The following TRPS1 variants were observed in gnomAD, a reference collection of about 807,000 sequenced individuals.
TRPS1 encodes the protein zinc finger transcription factor Trps1.
In TRPS1, 6 loss-of-function variants were observed where a neutral mutation model predicts 101.2. The ratio of observed to expected loss-of-function variants is 0.06; its 90% CI spans 0.03 to 0.12. The LOEUF (loss-of-function observed/expected upper bound fraction) is 0.12. Among genes scored for constraint, TRPS1 ranks in the 10% least tolerant of loss-of-function variants. The probability of loss-of-function intolerance (pLI) is 1.00; values close to 1 mark genes in which losing one functional copy is unlikely to be tolerated. For synonymous variants in TRPS1, 578 were observed against 589.8 expected (o/e 0.98, Z 0.29); for missense variants, 1,363 against 1,567.0 (o/e 0.87, Z 2.20).
In TRPS1 at chr8:115,491,305, T is replaced by C. The variant is rs530928891; in HGVS notation, c.2701-72853A>G. ...AAATAAGGGAGTTTTTGCATTTATTTACATGGGATTTAAATTCCAAGATAT... is the reference window on the plus strand; with the variant it reads ...AAATAAGGGAGTTTTTGCATTTATTCACATGGGATTTAAATTCCAAGATAT... On this transcript the variant is annotated intron_variant, in intron 5 of 6. Transcript: ENST00000395715. Among the ~76,000 whole-genome samples, 4 of 152,330 alleles carry C rather than the reference T, an allele frequency of 2.6e-5. No individual in the cohort carries two copies. The South Asian group carries it at 6.2e-4, about 24-fold the overall frequency.
At chr8:115,626,730 T>C (rs1818516948) in intron 1 of TRPS1, among the ~76,000 whole-genome samples, 1 of 151,810 alleles carries the variant, frequency 6.6e-6, no homozygotes, top group African/African-American at 2.4e-5. Context: ...AAAAGCCCAT[T>C]AATAGTCATC....
chr8:115,553,573 T>G (rs958008857), intron 5 of TRPS1, among the ~76,000 whole-genome samples: 2 of 152,270 alleles, frequency 1.3e-5, no homozygotes, highest in South Asian at 4.1e-4. Flanking sequence ...TATTCTATTT[T>G]CCTCTTTGAT....
intron 5 of TRPS1, among the ~76,000 whole-genome samples, chr8:115,548,698 A>G (rs1048974288): frequency 6.6e-6 from 1 of 152,222 alleles, no homozygotes; most frequent in Non-Finnish European, 1.5e-5. Flanking sequence ...AAATTCTTAT[A>G]TTTCTAATAG....
At chr8:115,640,318 C>T (rs1228536321) in intron 1 of TRPS1, among the ~76,000 whole-genome samples, 3 of 152,136 alleles carry the variant, frequency 2.0e-5, no homozygotes, top group East Asian at 3.9e-4. Context: ...AATGATAAAA[C>T]AATCTCCTCT....
intron 3 of TRPS1, among the ~76,000 whole-genome samples, chr8:115,607,658 T>C (rs1818070793): frequency 6.6e-6 from 1 of 151,580 alleles, no homozygotes; most frequent in South Asian, 2.1e-4. Context: ...GTAAATAATA[T>C]TAGTATTATA....
intron 5 of TRPS1, among the ~76,000 whole-genome samples, chr8:115,455,775 CTTTTTTTTTT>C (rs386413741): frequency 8.3e-6 from 1 of 119,992 alleles, no homozygotes; most frequent in Non-Finnish European, 1.7e-5. Flanking sequence ...TTCTTTCTTT[CTTTTTTTTTT>C]TTTTTTTGAG....
In TRPS1 at chr8:115,581,322, GAGTA is replaced by G. The variant is rs1257181268; in HGVS notation, c.2700+5675_2700+5678del. 7.2e-5 allele frequency among the ~76,000 whole-genome samples: 11 copies of G among 152,212 alleles called. No homozygotes were observed. In the East Asian group the frequency reaches 1.9e-3, roughly 27 times the overall value. On this transcript the variant is annotated intron_variant, in intron 5 of 6. Transcript: ENST00000395715. ...ATATGAAGTTATAGCTAGACGGGAG[GAGTA>G]AGTTTCAGTGTTCTGTAGCACTGTA...
At chr8:115,562,614 C>T (rs1816972018) in intron 5 of TRPS1, among the ~76,000 whole-genome samples, 1 of 151,130 alleles carries the variant, frequency 6.6e-6, no homozygotes, top group Non-Finnish European at 1.5e-5. Context: ...AATTTTAAGA[C>T]TAACTGAATA....
chr8:115,529,347 A>G (rs953572362), intron 5 of TRPS1, among the ~76,000 whole-genome samples: 3 of 152,108 alleles, frequency 2.0e-5, no homozygotes, highest in South Asian at 2.1e-4. Flanking sequence ...AGCCGATCTG[A>G]GTCAAATTTT....
intron 5 of TRPS1, among the ~76,000 whole-genome samples, chr8:115,565,187 G>T (rs1483550113): frequency 6.6e-6 from 1 of 152,136 alleles, no homozygotes. Flanking sequence ...GACACATAAC[G>T]ATGTGGACTG....
At chr8:115,638,275 CAG>C (rs915442075) in intron 1 of TRPS1, among the ~76,000 whole-genome samples, 6 of 151,670 alleles carry the variant, frequency 4.0e-5, no homozygotes, top group South Asian at 2.1e-4. Context: ...GCCATCCAGA[CAG>C]AGTTTGTTTT....
chr8:115,535,293 T>TAGCATATATAGCATATATAG, intron 5 of TRPS1, among the ~76,000 whole-genome samples: 1 of 106,498 alleles, frequency 9.4e-6, no homozygotes, highest in African/African-American at 3.3e-5. Flanking sequence ...AGCATATATA[T>TAGCATATATAGCATATATAG]AGCATATATA....
intron 5 of TRPS1, among the ~76,000 whole-genome samples, chr8:115,549,047 G>C (rs931510186): frequency 3.9e-5 from 6 of 152,246 alleles, no homozygotes; most frequent in South Asian, 2.1e-4. Context: ...GTGCTTTAAC[G>C]TTTTTTAAAG....
At chr8:115,566,184 G>T (rs1328061860) in intron 5 of TRPS1, among the ~76,000 whole-genome samples, 1 of 152,164 alleles carries the variant, frequency 6.6e-6, no homozygotes, top group Non-Finnish European at 1.5e-5. Context: ...AGTCTTAGCA[G>T]GTGGTCAGAA....
chr8:115,503,096 T>C lies in TRPS1; in HGVS notation c.2700+83905A>G, dbSNP rs573419178. Among the ~76,000 whole-genome samples the C allele has an allele frequency of 2.0e-5, 3 of 151,754 alleles. No individual in the cohort carries two copies. The South Asian group carries it at 6.2e-4, about 32-fold the overall frequency. Reference sequence around the variant, plus strand: ...GGCTAACACGATGAAACCCCACTTCTACAAAAAATTACCTGGGCGTGGTGG... The same window carrying C: ...GGCTAACACGATGAAACCCCACTTCCACAAAAAATTACCTGGGCGTGGTGG... On this transcript the variant is annotated intron_variant, in intron 5 of 6. Coordinates refer to ENST00000395715, the MANE Select transcript of TRPS1 (RefSeq NM_014112.5).
intron 5 of TRPS1, among the ~76,000 whole-genome samples, chr8:115,553,310 A>C (rs1293977099): frequency 6.6e-6 from 1 of 152,112 alleles, no homozygotes; most frequent in Non-Finnish European, 1.5e-5. Flanking sequence ...CAATGCCCAG[A>C]TCAGAATCTT....
intron 1 of TRPS1, among the ~76,000 whole-genome samples, chr8:115,644,050 T>C (rs913948438): frequency 6.6e-6 from 1 of 152,214 alleles, no homozygotes; most frequent in Non-Finnish European, 1.5e-5. Flanking sequence ...CAGTAAACCA[T>C]ACTGTAAACA....
intron 3 of TRPS1, 33 bp downstream of exon 3, chr8:115,619,099 T>C: frequency 1.2e-6 from 2 of 1,610,500 alleles, no homozygotes; most frequent in Non-Finnish European, 1.7e-6. Context: ...CTAATAACTT[T>C]TTCTGTACAA....
chr8:115,665,756 T>C (rs984006930), intron 1 of TRPS1, among the ~76,000 whole-genome samples: 7 of 152,196 alleles, frequency 4.6e-5, no homozygotes, highest in Admixed American at 2.6e-4. Context: ...ACGTTACCTT[T>C]AAGAGACAAA....
Sources: gnomAD v4.1 joint callset for allele counts (sites outside exome capture counted in the v4.1 genomes callset) on GRCh38, gnomAD v4.1.1 for gene constraint, MANE v1.5 for transcripts, NCBI Gene and HGNC (gene_info 2026-07-23, HGNC 2026-07-21) for gene names.